Variants in DCTN4 observed in about 807,000 individuals in gnomAD.
DCTN4 encodes the protein dynactin 4 (p62).
A neutral mutation model predicts 62.7 loss-of-function variants in DCTN4; 23 were observed. The ratio of observed to expected loss-of-function variants is 0.37; its 90% CI spans 0.26 to 0.52. The LOEUF (loss-of-function observed/expected upper bound fraction) is 0.52. Ranked by LOEUF, DCTN4 falls within the 20% of genes least tolerant of loss-of-function variation. DCTN4 has a pLI of 0.92. For missense variants in DCTN4, 514 were observed against 580.4 expected (o/e 0.89, Z 1.18); for synonymous variants, 199 against 202.1 (o/e 0.98, Z 0.13).
intron 8 of DCTN4, among the ~76,000 whole-genome samples, chr5:150,724,120 T>C (rs1760053112): frequency 6.6e-6 from 1 of 152,230 alleles, no homozygotes; most frequent in African/African-American, 2.4e-5. Flanking sequence ...TACTGAAATA[T>C]AACTGACTAA....
intron 3 of DCTN4, among the ~76,000 whole-genome samples, chr5:150,747,238 T>C (rs894502495): frequency 7.9e-5 from 12 of 152,106 alleles, no homozygotes; most frequent in African/African-American, 2.9e-4. Flanking sequence ...ACAAGGGACG[T>C]GAAGGACCTC....
intron 9 of DCTN4, among the ~76,000 whole-genome samples, chr5:150,722,165 G>A (rs1481511932): frequency 2.6e-5 from 4 of 152,090 alleles, no homozygotes; most frequent in African/African-American, 9.7e-5. Context: ...TTTTTGCTAA[G>A]GTCAAAGGTG....
rs1759489058 is a variant in DCTN4, at chr5:150,709,568, CATA to C, written c.*1578_*1580del. The C allele has an allele frequency of 6.6e-6, 1 of 151,058 alleles. No individual in the cohort carries two copies. Among genetic ancestry groups the C allele is most frequent in the South Asian group, 2.1e-4 (1 of 4,828 alleles). 9.4% of individuals were successfully genotyped at this position (151,058 alleles called of 1,614,324 possible). On this transcript the variant is annotated 3_prime_UTR_variant, in exon 13 of 13. Transcript: ENST00000447998. ...CTCCTAAGAGGCTAAATGTTATTACCATAATGTTAGAGATGAGTATTTTCCTTC... is the reference window on the plus strand; with the variant it reads ...CTCCTAAGAGGCTAAATGTTATTACCATGTTAGAGATGAGTATTTTCCTTC...
In DCTN4 at chr5:150,751,492, AC is replaced by A. The variant is rs556232067; in HGVS notation, c.385+1986del. On this transcript the variant is annotated intron_variant, in intron 3 of 12. Coordinates refer to ENST00000447998, the MANE Select transcript of DCTN4 (RefSeq NM_016221.4). Reference sequence around the variant, plus strand: ...TGTTTCTTTTACTTGATAAAAAGACACAAAATACAAACATGAAAAAACAATA... The same window carrying A: ...TGTTTCTTTTACTTGATAAAAAGACAAAAATACAAACATGAAAAAACAATA... Among the ~76,000 whole-genome samples the A allele has an allele frequency of 9.5e-4, 145 of 152,306 alleles. 1 individual carries two copies. The highest frequency in any genetic ancestry group is 3.4e-3 in the African/African-American group (141 of 41,594).
chr5:150,731,831 A>G, intron 5 of DCTN4: 1 of 1,481,000 alleles, frequency 6.8e-7, no homozygotes, highest in South Asian at 1.2e-5. Flanking sequence ...CTGGAACACC[A>G]GTGGTCATCT....
At chr5:150,722,283 C>T (rs1759981943) in intron 9 of DCTN4, among the ~76,000 whole-genome samples, 1 of 152,046 alleles carries the variant, frequency 6.6e-6, no homozygotes, top group Non-Finnish European at 1.5e-5. Context: ...TTTTGTTTGC[C>T]AGGTAATTTA....
Position 150,711,230 on chromosome 5 carries a change from G to A in DCTN4, c.1302C>T (p.Pro434=), listed in dbSNP as rs1472859669. 1.9e-6 allele frequency: 3 copies of A among 1,612,856 alleles called. No individual in the cohort carries two copies. Among genetic ancestry groups the A allele is most frequent in the East Asian group, 2.2e-5 (1 of 44,896 alleles). Residue 434 remains proline (P), a synonymous_variant, in exon 13 of 13, where the codon CCC becomes CCT. Coordinates refer to ENST00000447998, the MANE Select transcript of DCTN4 (RefSeq NM_016221.4). ...CTGTTCCCTGGTCACTTTCTTCAAT[G>A]GGGCGAATGGGGGCTGCCAGGTTTT... ...DFKNLAAPIR[P]IEESDQGTEV...
intron 12 of DCTN4, among the ~76,000 whole-genome samples, chr5:150,712,209 A>G (rs963663527): frequency 1.3e-5 from 2 of 152,062 alleles, no homozygotes; most frequent in Admixed American, 1.3e-4. Context: ...GGCTCACCGC[A>G]ACCTCCGCCT....
chr5:150,722,894 C>T lies in DCTN4; in HGVS notation c.908+13G>A, dbSNP rs772424504. On this transcript the variant is annotated intron_variant, in intron 9 of 12. Coordinates refer to ENST00000447998, the MANE Select transcript of DCTN4 (RefSeq NM_016221.4). ...AAAACAGTAACTGAAAACACCAATC[C>T]CAAAATACTTACACAGCGACCAGCT... The T allele has an allele frequency of 6.2e-7, 1 of 1,605,668 alleles. No individual in the cohort carries two copies. Among genetic ancestry groups the T allele is most frequent in the Non-Finnish European group, 8.5e-7 (1 of 1,174,720 alleles).
At chr5:150,720,724 C>T (rs533934464) in intron 9 of DCTN4, among the ~76,000 whole-genome samples, 1 of 152,314 alleles carries the variant, frequency 6.6e-6, no homozygotes, top group African/African-American at 2.4e-5. Flanking sequence ...AGCGATCCTC[C>T]TGCCTTGGCC....
intron 12 of DCTN4, among the ~76,000 whole-genome samples, chr5:150,713,305 A>G (rs1420175657): frequency 6.6e-6 from 1 of 152,198 alleles, no homozygotes; most frequent in Admixed American, 6.5e-5. Context: ...GCTAAAAAAA[A>G]TCCTCTGGGG....
intron 3 of DCTN4, among the ~76,000 whole-genome samples, chr5:150,750,514 G>A (rs1464071272): frequency 1.3e-5 from 2 of 152,128 alleles, no homozygotes; most frequent in African/African-American, 4.8e-5. Flanking sequence ...ATTGCTTCCA[G>A]CAGCTATATT....
At chr5:150,713,252 C>A (rs1206676574) in intron 12 of DCTN4, among the ~76,000 whole-genome samples, 2 of 152,082 alleles carry the variant, frequency 1.3e-5, no homozygotes, top group African/African-American at 2.4e-5. Context: ...ACCTGGGAAG[C>A]TTTTCCAAAA....
At chr5:150,752,038 C>A (rs1752693992) in intron 3 of DCTN4, among the ~76,000 whole-genome samples, 1 of 151,890 alleles carries the variant, frequency 6.6e-6, no homozygotes, top group Non-Finnish European at 1.5e-5. Flanking sequence ...TTATGAAAAT[C>A]CCAAAATGAG....
chr5:150,729,015 C>T (rs1251607194), intron 8 of DCTN4, among the ~76,000 whole-genome samples: 1 of 130,434 alleles, frequency 7.7e-6, no homozygotes, highest in African/African-American at 3.0e-5. Flanking sequence ...CTTGCTGGGA[C>T]TACAAGTGTG....
intron 3 of DCTN4, among the ~76,000 whole-genome samples, chr5:150,747,101 C>T (rs1175369759): frequency 1.3e-5 from 2 of 152,110 alleles, no homozygotes; most frequent in African/African-American, 4.8e-5. Context: ...TCTCGGGATA[C>T]AAAATCAATG....
At chr5:150,758,085 T>C (rs1416528834) in intron 1 of DCTN4, 2 of 985,338 alleles carry the variant, frequency 2.0e-6, no homozygotes, top group Admixed American at 1.2e-4. Context: ...GACTATGGCT[T>C]ATTAAACAGC....
intron 10 of DCTN4, 55 bp from the exon 11 acceptor site, chr5:150,718,438 C>T (rs1459634765): frequency 1.5e-6 from 2 of 1,335,052 alleles, no homozygotes; most frequent in Non-Finnish European, 2.1e-6. Context: ...AGCTGCTATA[C>T]CGAATATTTC....
At position 150,719,656 on chromosome 5, in the gene DCTN4, C is replaced by T. The variant is rs373931056; in HGVS notation, c.963+60G>A. 3.7e-4 allele frequency: 453 copies of T among 1,216,488 alleles called. 1 individual carries two copies. Among genetic ancestry groups the T allele is most frequent in the African/African-American group, 3.1e-3 (205 of 66,758 alleles). 75.4% of individuals were successfully genotyped at this position (1,216,488 alleles called of 1,614,324 possible). A position where few individuals can be genotyped will look rare whatever the true frequency, so the allele number is the denominator to read the frequency against. ...AAATACACACACAGCCACCCACATA[C>T]ACATGTACACACATCATTGATCAAT... On this transcript the variant is annotated intron_variant, in intron 10 of 12. Transcript: ENST00000447998.
Sources: gnomAD v4.1 joint callset for allele counts (sites outside exome capture counted in the v4.1 genomes callset) on GRCh38, gnomAD v4.1.1 for gene constraint, MANE v1.5 for transcripts, NCBI Gene and HGNC (gene_info 2026-07-23, HGNC 2026-07-21) for gene names.